SKI: variants seen among roughly 807,000 people sequenced by gnomAD.
SKI encodes the protein ski oncogene.
Under a neutral mutation model 59.3 loss-of-function variants are expected in SKI, and 23 were observed. That is an observed-to-expected ratio of 0.39 (90% CI 0.28 to 0.55). The LOEUF (loss-of-function observed/expected upper bound fraction) is 0.55, where lower values mean the gene tolerates loss of function less well. SKI is among the 20% of genes least tolerant of loss of function. The pLI is 0.67. For missense variants in SKI, 1,017 were observed against 1,038.9 expected (o/e 0.98, Z 0.29); for synonymous variants, 673 against 488.6 (o/e 1.38, Z -4.98).
intron 1 of SKI, among the ~76,000 whole-genome samples, chr1:2,245,125 C>T (rs1383262019): frequency 1.3e-5 from 2 of 152,256 alleles, no homozygotes; most frequent in East Asian, 1.9e-4. Context: ...ACCCACCCGC[C>T]GCTTTCTGTT....
chr1:2,284,629 G>T lies in SKI; in HGVS notation c.970-18349G>T, dbSNP rs539344953. 2.2e-4 allele frequency among the ~76,000 whole-genome samples: 33 copies of T among 152,318 alleles called. No homozygotes were observed. In the East Asian group the frequency reaches 6.4e-3, roughly 29 times the overall value. ...CACCGGCCCAGAGGGCCCGCTGTCC[G>T]TGTGGACCTCCTGTGACTGCATGGG... On this transcript the variant is annotated intron_variant, in intron 1 of 6. Transcript: ENST00000378536.
chr1:2,251,281 G>A (rs1305616936), intron 1 of SKI, among the ~76,000 whole-genome samples: 1 of 152,136 alleles, frequency 6.6e-6, no homozygotes, highest in Non-Finnish European at 1.5e-5. Context: ...ATCTGCTGAT[G>A]TTCTTTTATT....
intron 1 of SKI, among the ~76,000 whole-genome samples, chr1:2,293,058 G>A (rs1295771753): frequency 6.6e-6 from 1 of 152,168 alleles, no homozygotes. Flanking sequence ...GGGAGAGCAG[G>A]GGTTGGCAGG....
At position 2,306,099 on chromosome 1, in the gene SKI, T is replaced by C; in HGVS notation, c.1847T>C (p.Ile616Thr). 6.2e-7 allele frequency: 1 copy of C among 1,600,992 alleles called. No homozygotes were observed. Among genetic ancestry groups the C allele is most frequent in the African/African-American group, 1.3e-5 (1 of 74,856 alleles). ...GCCAAGCGTAACCTGCGGAAGGAGATCGAGCGTCTCCGCGCCGAGAACGAG... is the reference window on the plus strand; with the variant it reads ...GCCAAGCGTAACCTGCGGAAGGAGACCGAGCGTCTCCGCGCCGAGAACGAG... ...TEAKRNLRKEIERLRAENEKK... is the reference protein window; with the variant it reads ...TEAKRNLRKETERLRAENEKK... The change falls in exon 6 of 7, where the codon ATC becomes ACC. Residue 616 changes from isoleucine to threonine, a missense_variant. Transcript: ENST00000378536.
At chr1:2,235,008 A>C (rs1569677018) in intron 1 of SKI, among the ~76,000 whole-genome samples, 1 of 148,072 alleles carries the variant, frequency 6.8e-6, no homozygotes, top group South Asian at 2.1e-4. Context: ...CCTGGCTGTC[A>C]CCCTCGTGGT....
intron 1 of SKI, among the ~76,000 whole-genome samples, chr1:2,282,561 A>G (rs1639917299): frequency 6.6e-6 from 1 of 152,224 alleles, no homozygotes; most frequent in African/African-American, 2.4e-5. Context: ...AGAGTTCCAT[A>G]GTGGGCGGGT....
intron 1 of SKI, among the ~76,000 whole-genome samples, chr1:2,271,615 C>G (rs770037064): frequency 6.6e-6 from 1 of 151,884 alleles, no homozygotes; most frequent in African/African-American, 2.4e-5. Flanking sequence ...ACGCTGCTCT[C>G]GCCCCTCGGG....
At chr1:2,288,650 G>C (rs1392610306) in intron 1 of SKI, among the ~76,000 whole-genome samples, 1 of 152,174 alleles carries the variant, frequency 6.6e-6, no homozygotes, top group Non-Finnish European at 1.5e-5. Flanking sequence ...CCCTTGTCCT[G>C]AGTGGCCTTG....
intron 1 of SKI, among the ~76,000 whole-genome samples, chr1:2,278,785 G>T (rs1639802805): frequency 6.6e-6 from 1 of 151,942 alleles, no homozygotes; most frequent in Admixed American, 6.5e-5. Flanking sequence ...CCCCCTTCTT[G>T]CAGTCCCTGG....
At chr1:2,283,798 A>G (rs1639969384) in intron 1 of SKI, among the ~76,000 whole-genome samples, 1 of 152,208 alleles carries the variant, frequency 6.6e-6, no homozygotes, top group Non-Finnish European at 1.5e-5. Context: ...ACTAGAACTG[A>G]GGCCTGGCAC....
In SKI at chr1:2,245,103, C is replaced by A. The variant is rs569435087; in HGVS notation, c.969+15368C>A. On this transcript the variant is annotated intron_variant, in intron 1 of 6. Transcript: ENST00000378536. ...ACACTCACTCCCCATTCTGCCTCCCCCAGCCCCCAACACCCACCCGCCGCT... is the reference window on the plus strand; with the variant it reads ...ACACTCACTCCCCATTCTGCCTCCCACAGCCCCCAACACCCACCCGCCGCT... Among the ~76,000 whole-genome samples the A allele has an allele frequency of 7.2e-5, 11 of 152,300 alleles. No individual in the cohort carries two copies. In the South Asian group the frequency reaches 2.3e-3, roughly 32 times the overall value.
intron 1 of SKI, among the ~76,000 whole-genome samples, chr1:2,291,998 T>C (rs1180883352): frequency 2.0e-5 from 3 of 152,238 alleles, no homozygotes; most frequent in South Asian, 2.1e-4. Flanking sequence ...TGAATTATCA[T>C]GTGTGAAATA....
At chr1:2,251,566 C>T (rs1012670358) in intron 1 of SKI, among the ~76,000 whole-genome samples, 2 of 152,112 alleles carry the variant, frequency 1.3e-5, no homozygotes, top group African/African-American at 4.8e-5. Context: ...CGAGGCTCAT[C>T]CCCAGCTGCA....
In SKI at chr1:2,260,650, C is replaced by T. The variant is rs575435935; in HGVS notation, c.969+30915C>T. On this transcript the variant is annotated intron_variant, in intron 1 of 6. Coordinates refer to ENST00000378536, the MANE Select transcript of SKI (RefSeq NM_003036.4). ...TTACCTCCCAGGCTGAGGTGATCCT[C>T]CTGCCTCAGCCTCCTGGCTAGCTGA... 2.7e-5 allele frequency among the ~76,000 whole-genome samples: 4 copies of T among 148,384 alleles called. No homozygotes were observed. The South Asian group carries it at 8.6e-4, about 32-fold the overall frequency.
intron 1 of SKI, among the ~76,000 whole-genome samples, chr1:2,279,759 G>A (rs1402434870): frequency 1.3e-5 from 2 of 152,276 alleles, no homozygotes; most frequent in East Asian, 1.9e-4. Flanking sequence ...CTGTCGCCCA[G>A]GCTGGAGTGC....
chr1:2,262,417 G>A (rs531438096), intron 1 of SKI, among the ~76,000 whole-genome samples: 4 of 149,684 alleles, frequency 2.7e-5, no homozygotes, highest in African/African-American at 9.8e-5. Context: ...GGAAGGCGTG[G>A]AGTCAGAGTT....
In SKI at chr1:2,303,573, C is replaced by T. The variant is rs150347326; in HGVS notation, c.1211+173C>T. 2.1e-3 allele frequency: 1,435 copies of T among 694,180 alleles called. 17 individuals are homozygous for T. The African/African-American group carries it at 0.022, about 11-fold the overall frequency. 43.0% of individuals were successfully genotyped at this position (694,180 alleles called of 1,614,324 possible). On this transcript the variant is annotated intron_variant, in intron 3 of 6. Transcript: ENST00000378536. This position sits in a 1 kb window ranked among gnomAD's most constrained non-coding sequence, Gnocchi z 5.6. ...GGCATCAGGGAGAGCACACCTAGAG[C>T]GTTCCCTGTGTTCTGGGTGGAGTCG...
In SKI at chr1:2,307,411, G is replaced by C. The variant is rs559900045; in HGVS notation, c.*646G>C. 1 of 152,512 alleles carries C rather than the reference G, an allele frequency of 6.6e-6. No individual in the cohort carries two copies. Among genetic ancestry groups the C allele is most frequent in the East Asian group, 1.9e-4 (1 of 5,202 alleles). 9.4% of individuals were successfully genotyped at this position (152,512 alleles called of 1,614,324 possible). ...CCACGCCGCCGTCGATGCCAGCGCTGTCCCCACGGGTACCAGGAAGTGCAG... is the reference window on the plus strand; with the variant it reads ...CCACGCCGCCGTCGATGCCAGCGCTCTCCCCACGGGTACCAGGAAGTGCAG... On this transcript the variant is annotated 3_prime_UTR_variant, in exon 7 of 7. Coordinates refer to ENST00000378536, the MANE Select transcript of SKI (RefSeq NM_003036.4).
At chr1:2,290,484 C>T (rs1640137226) in intron 1 of SKI, among the ~76,000 whole-genome samples, 2 of 152,268 alleles carry the variant, frequency 1.3e-5, no homozygotes, top group African/African-American at 2.4e-5. Context: ...GGCCCCAGGG[C>T]CTTTGCTTCC....
Sources: allele counts gnomAD v4.1 joint callset (sites outside exome capture counted in the v4.1 genomes callset), GRCh38; gene constraint gnomAD v4.1.1; non-coding constraint Gnocchi (gnomAD v3.1); transcripts MANE v1.5; gene names NCBI Gene and HGNC (gene_info 2026-07-23, HGNC 2026-07-21).